Variants in DAB1 observed in about 807,000 individuals in gnomAD.
DAB1 encodes the protein disabled homolog 1.
A neutral mutation model predicts 64.6 loss-of-function variants in DAB1; 15 were observed. That is an observed-to-expected ratio of 0.23 (90% CI 0.16 to 0.36). The LOEUF is 0.36. Ranked by LOEUF, DAB1 falls within the 10% of genes least tolerant of loss-of-function variation. The probability of loss-of-function intolerance (pLI) is 1.00; values close to 1 mark genes in which losing one functional copy is unlikely to be tolerated. For synonymous variants in DAB1, 235 were observed against 251.9 expected (o/e 0.93, Z 0.64); for missense variants, 596 against 706.7 (o/e 0.84, Z 1.78).
chr1:58,439,255 A>T (rs1272695540), intron 3 of DAB1, among the ~76,000 whole-genome samples: 1 of 151,576 alleles, frequency 6.6e-6, no homozygotes, highest in Non-Finnish European at 1.5e-5. Flanking sequence ...ACTCACTTCA[A>T]GTATCACCTC....
intron 14 of DAB1, among the ~76,000 whole-genome samples, chr1:56,998,375 G>A (rs1645713095): frequency 1.3e-5 from 2 of 152,228 alleles, no homozygotes; most frequent in Admixed American, 6.5e-5. Flanking sequence ...TGTTAGGGAA[G>A]TAGCATGGTA....
intron 2 of DAB1, among the ~76,000 whole-genome samples, chr1:57,263,299 T>C (rs1670336931): frequency 1.3e-5 from 2 of 151,974 alleles, no homozygotes; most frequent in African/African-American, 4.8e-5. Flanking sequence ...TTTGTATTTT[T>C]AGTAGAGATG....
chr1:57,460,822 T>A, intron 7 of DAB1, among the ~76,000 whole-genome samples: 1 of 152,256 alleles, frequency 6.6e-6, no homozygotes, highest in South Asian at 2.1e-4. Context: ...AGTTCCCACA[T>A]GTGGCCAGAA....
chr1:58,141,375 C>T (rs1359038073), intron 5 of DAB1, among the ~76,000 whole-genome samples: 2 of 152,108 alleles, frequency 1.3e-5, no homozygotes, highest in African/African-American at 4.8e-5. Context: ...GAGACTTATT[C>T]ACTATCACGA....
intron 5 of DAB1, among the ~76,000 whole-genome samples, chr1:57,959,808 G>A (rs1049998130): frequency 3.3e-5 from 5 of 152,190 alleles, no homozygotes; most frequent in African/African-American, 7.2e-5. Flanking sequence ...GAAGCTGAGA[G>A]TTTGGCTCCT....
At chr1:57,982,833 CCTTT>C (rs1362276686) in intron 5 of DAB1, among the ~76,000 whole-genome samples, 4 of 152,162 alleles carry the variant, frequency 2.6e-5, no homozygotes, top group Non-Finnish European at 4.4e-5. Flanking sequence ...TGATAATTAA[CCTTT>C]CTTTCTTCTG....
At chr1:57,086,707 G>A (rs512191) in intron 4 of DAB1, among the ~76,000 whole-genome samples, 4 of 149,482 alleles carry the variant, frequency 2.7e-5, no homozygotes, top group South Asian at 2.1e-4. Context: ...CCTGAATGGC[G>A]GGGGGAGGGG....
At chr1:58,546,102 G>T (rs1234332750) in intron 1 of DAB1, among the ~76,000 whole-genome samples, 1 of 152,222 alleles carries the variant, frequency 6.6e-6, no homozygotes, top group African/African-American at 2.4e-5. Flanking sequence ...CATTTAAACA[G>T]TATACAGTGA....
At chr1:58,035,066 T>G (rs936996066) in intron 5 of DAB1, among the ~76,000 whole-genome samples, 1 of 152,180 alleles carries the variant, frequency 6.6e-6, no homozygotes, top group Non-Finnish European at 1.5e-5. Flanking sequence ...AGACACCATG[T>G]TAAGAATTCT....
intron 7 of DAB1, among the ~76,000 whole-genome samples, chr1:57,482,219 A>C (rs1048693799): frequency 2.0e-5 from 3 of 152,158 alleles, no homozygotes; most frequent in Non-Finnish European, 4.4e-5. Flanking sequence ...GATGATAAAA[A>C]ATGCAGGTGC....
intron 4 of DAB1, among the ~76,000 whole-genome samples, chr1:57,082,680 C>T (rs1466063403): frequency 6.6e-6 from 1 of 152,056 alleles, no homozygotes; most frequent in Non-Finnish European, 1.5e-5. Flanking sequence ...GTTCTCCCTC[C>T]CCCTGATCCC....
intron 1 of DAB1, among the ~76,000 whole-genome samples, chr1:57,830,051 G>A (rs1652520952): frequency 6.6e-6 from 1 of 152,216 alleles, no homozygotes; most frequent in African/African-American, 2.4e-5. Context: ...ATGAGAACTG[G>A]CCAGACAAGG....
intron 5 of DAB1, among the ~76,000 whole-genome samples, chr1:57,988,269 G>T (rs1301176979): frequency 6.6e-6 from 1 of 152,204 alleles, no homozygotes; most frequent in East Asian, 1.9e-4. Flanking sequence ...GGCTGCCAGA[G>T]TGGAGACACA....
At chr1:57,595,637 C>T (rs1156602860) in intron 7 of DAB1, among the ~76,000 whole-genome samples, 1 of 151,870 alleles carries the variant, frequency 6.6e-6, no homozygotes, top group East Asian at 1.9e-4. Context: ...CCCCCCCCAC[C>T]CCCCAAATCC....
chr1:57,128,080 G>A (rs990351966), intron 4 of DAB1, among the ~76,000 whole-genome samples: 4 of 152,016 alleles, frequency 2.6e-5, no homozygotes, highest in African/African-American at 9.7e-5. Context: ...CCAGAAGGTG[G>A]AGGTTGCAGC....
chr1:58,169,651 C>T (rs368220955), intron 4 of DAB1, among the ~76,000 whole-genome samples: 1 of 152,142 alleles, frequency 6.6e-6, no homozygotes, highest in Admixed American at 6.5e-5. Flanking sequence ...GGAGAATACA[C>T]AACTATGCAA....
intron 6 of DAB1, among the ~76,000 whole-genome samples, chr1:57,659,796 G>A (rs1247463079): frequency 1.3e-5 from 2 of 151,920 alleles, no homozygotes; most frequent in East Asian, 3.9e-4. Context: ...GACCAACATG[G>A]TGAAACCCCA....
intron 1 of DAB1, among the ~76,000 whole-genome samples, chr1:57,374,146 T>C (rs984314172): frequency 5.1e-4 from 78 of 151,790 alleles, no homozygotes; most frequent in African/African-American, 1.7e-3. Context: ...AAATGCTTTA[T>C]GTTTTAACAG....
intron 1 of DAB1, among the ~76,000 whole-genome samples, chr1:57,404,785 C>A (rs1683503632): frequency 6.6e-6 from 1 of 152,176 alleles, no homozygotes; most frequent in Non-Finnish European, 1.5e-5. Flanking sequence ...GCTGAAGCTT[C>A]TGTTCAAATT....
Sources: allele counts gnomAD v4.1 joint callset (sites outside exome capture counted in the v4.1 genomes callset), GRCh38; gene constraint gnomAD v4.1.1; transcripts MANE v1.5; gene names NCBI Gene and HGNC (gene_info 2026-07-23, HGNC 2026-07-21).